Variants in IL5RA observed in about 807,000 individuals in gnomAD.
The protein encoded by IL5RA is interleukin 5 receptor subunit alpha, also known as interleukin-5 receptor subunit alpha.
Under a neutral mutation model 50.0 loss-of-function variants are expected in IL5RA, and 49 were observed. The ratio of observed to expected loss-of-function variants is 0.98; its 90% confidence interval spans 0.78 to 1.24. The LOEUF (loss-of-function observed/expected upper bound fraction) is 1.24, where lower values mean the gene tolerates loss of function less well. Among genes scored for constraint, IL5RA ranks in the 50% most tolerant of loss-of-function variants. IL5RA has a pLI of 0.00. For synonymous variants in IL5RA, 202 were observed against 174.0 expected (o/e 1.16, Z -1.26); for missense variants, 600 against 500.4 (o/e 1.20, Z -1.90).
Position 3,069,745 on chromosome 3 carries a change from G to C in IL5RA, c.*480C>G, listed in dbSNP as rs1290755972. The C allele has an allele frequency of 6.5e-6, 1 of 154,314 alleles. No homozygotes were observed. The highest frequency in any genetic ancestry group is 2.4e-5 in the African/African-American group (1 of 41,380). 9.6% of individuals were successfully genotyped at this position (154,314 alleles called of 1,614,324 possible). On this transcript the variant is annotated 3_prime_UTR_variant, in exon 12 of 12. Coordinates refer to ENST00000446632, the MANE Select transcript of IL5RA (RefSeq NM_175726.4). ...GAATTTGTGGCTCTCACTTGCTATA[G>C]AAAAGACAGTCTTGAATCCAAGTTC...
At chr3:3,096,707 C>G (rs1299381449) in intron 7 of IL5RA, among the ~76,000 whole-genome samples, 4 of 152,148 alleles carry the variant, frequency 2.6e-5, no homozygotes, top group Admixed American at 2.0e-4. Flanking sequence ...ATGAAAGTGA[C>G]ATTTTTAGTT....
At chr3:3,096,654 T>C (rs1703381253) in intron 7 of IL5RA, among the ~76,000 whole-genome samples, 2 of 152,196 alleles carry the variant, frequency 1.3e-5, no homozygotes, top group South Asian at 4.1e-4. Context: ...ATTAATATCA[T>C]TGTTTCCTAG....
chr3:3,109,844 A>G (rs1704101653), intron 1 of IL5RA, 101 bp downstream of exon 1: 1 of 152,168 alleles, frequency 6.6e-6, no homozygotes, highest in Non-Finnish European at 1.5e-5. Context: ...TAGTGAAATT[A>G]TTAGGAGGTG....
In IL5RA at chr3:3,076,316, C is replaced by T. The variant is rs2125953903; in HGVS notation, c.1091+215G>A. Among the ~76,000 whole-genome samples, 3 of 109,248 alleles carry T rather than the reference C, an allele frequency of 2.7e-5. No homozygotes were observed. In the Middle Eastern group the frequency reaches 0.013, roughly 483 times the overall value. The allele number at this position is 109,248 out of a possible 152,430, so 71.7% of individuals were successfully genotyped here. A position where few individuals can be genotyped will look rare whatever the true frequency, so the allele number is the denominator to read the frequency against. On this transcript the variant is annotated intron_variant, in intron 10 of 11. Coordinates refer to ENST00000446632, the MANE Select transcript of IL5RA (RefSeq NM_175726.4). ...GGTAGGAGTGAGTGATAGCTGAGGG[C>T]TGCATTGTGTGCTCTGTCCAACTTC...
chr3:3,085,485 G>T (rs17884861), intron 9 of IL5RA, among the ~76,000 whole-genome samples: 235 of 152,288 alleles, frequency 1.5e-3, no homozygotes, highest in African/African-American at 5.4e-3. Context: ...AGAGAGAAGG[G>T]ATTAGAGCTC....
intron 8 of IL5RA, among the ~76,000 whole-genome samples, chr3:3,095,049 A>G (rs1284079059): frequency 6.6e-6 from 1 of 152,110 alleles, no homozygotes; most frequent in African/African-American, 2.4e-5. Flanking sequence ...TTTAACCAGC[A>G]CTAGTACCAA....
Position 3,094,147 on chromosome 3 carries a change from TTAATCCTTTTTAAGTG to T in IL5RA, c.855+1136_855+1151del, listed in dbSNP as rs1425538368. On this transcript the variant is annotated intron_variant, in intron 8 of 11. Transcript: ENST00000446632. ...AATACATATAATGAAATTTACCATC[TTAATCCTTTTTAAGTG>T]TACAGCTTTGTGATATTAAATAGTT... Among the ~76,000 whole-genome samples the T allele has an allele frequency of 1.8e-4, 28 of 152,208 alleles. 1 individual carries two copies. Among genetic ancestry groups the T allele is most frequent in the Non-Finnish European group, 3.7e-4 (25 of 68,032 alleles).
chr3:3,088,754 A>G (rs1368600434), intron 9 of IL5RA, among the ~76,000 whole-genome samples: 1 of 152,212 alleles, frequency 6.6e-6, no homozygotes, highest in Non-Finnish European at 1.5e-5. Flanking sequence ...GCATTTTAAA[A>G]TCTCCAAAAT....
At chr3:3,107,975 C>T (rs1704010501) in intron 2 of IL5RA, among the ~76,000 whole-genome samples, 1 of 152,046 alleles carries the variant, frequency 6.6e-6, no homozygotes, top group Non-Finnish European at 1.5e-5. Flanking sequence ...CGTTTTATAA[C>T]CAAAGTTATA....
chr3:3,103,148 G>A (rs928273618), intron 3 of IL5RA: 1 of 171,326 alleles, frequency 5.8e-6, no homozygotes, highest in Non-Finnish European at 1.2e-5. Context: ...CTCCCAAAGT[G>A]CTAGGATTAC....
At chr3:3,081,845 A>C (rs1334059792) in intron 9 of IL5RA, among the ~76,000 whole-genome samples, 1 of 152,228 alleles carries the variant, frequency 6.6e-6, no homozygotes, top group Non-Finnish European at 1.5e-5. Context: ...GTGGCACATT[A>C]GTCATTTCTC....
chr3:3,101,114 G>A (rs962161460), intron 5 of IL5RA, among the ~76,000 whole-genome samples: 2 of 151,428 alleles, frequency 1.3e-5, no homozygotes, highest in Non-Finnish European at 2.9e-5. Flanking sequence ...AGGAGGCAGA[G>A]GTTGCAGTGA....
intron 2 of IL5RA, among the ~76,000 whole-genome samples, 159 bp from the exon 3 acceptor site, chr3:3,105,146 C>T (rs573492641): frequency 2.6e-4 from 39 of 152,266 alleles, no homozygotes; most frequent in Admixed American, 7.2e-4. Context: ...AAATGTTGGA[C>T]TTTGCCCTTC....
At chr3:3,098,871 A>G (rs1703492370) in intron 5 of IL5RA, among the ~76,000 whole-genome samples, 1 of 152,194 alleles carries the variant, frequency 6.6e-6, no homozygotes, top group Non-Finnish European at 1.5e-5. Context: ...GTTCAAGAGA[A>G]GTACAATATA....
At chr3:3,081,792 G>A (rs1702671707) in intron 9 of IL5RA, among the ~76,000 whole-genome samples, 1 of 152,154 alleles carries the variant, frequency 6.6e-6, no homozygotes, top group Non-Finnish European at 1.5e-5. Flanking sequence ...TGCATACAAG[G>A]TACTACGTGA....
chr3:3,071,356 G>C (rs1024837094), intron 11 of IL5RA, among the ~76,000 whole-genome samples: 3 of 152,184 alleles, frequency 2.0e-5, no homozygotes, highest in African/African-American at 4.8e-5. Context: ...AGGTGGCGTG[G>C]CTCATGCCTG....
intron 5 of IL5RA, among the ~76,000 whole-genome samples, chr3:3,101,071 C>T (rs1028897569): frequency 9.9e-5 from 15 of 151,108 alleles, no homozygotes; most frequent in South Asian, 2.1e-4. Flanking sequence ...CCCAGCTACT[C>T]GGGAGGCTGT....
chr3:3,095,148 T>G, intron 8 of IL5RA, 151 bp downstream of exon 8: 1 of 606,258 alleles, frequency 1.6e-6, no homozygotes, highest in East Asian at 2.8e-5. Flanking sequence ...TTATATCTAT[T>G]TGGTTATATC....
At chr3:3,076,053 C>T (rs918036524) in intron 10 of IL5RA, among the ~76,000 whole-genome samples, 6 of 152,136 alleles carry the variant, frequency 3.9e-5, no homozygotes, top group South Asian at 2.1e-4. Flanking sequence ...GATCCACATG[C>T]GATTTCTAGA....
Sources: gnomAD v4.1 joint callset for allele counts (sites outside exome capture counted in the v4.1 genomes callset) on GRCh38, gnomAD v4.1.1 for gene constraint, MANE v1.5 for transcripts, NCBI Gene and HGNC (gene_info 2026-07-23, HGNC 2026-07-21) for gene names.